Variants in NREP observed in about 807,000 individuals in gnomAD.
NREP encodes the protein neuronal regeneration-related protein.
In NREP, 5 loss-of-function variants were observed where a neutral mutation model predicts 8.6. That is an observed-to-expected ratio of 0.58 (90% CI 0.30 to 1.22). The LOEUF (loss-of-function observed/expected upper bound fraction) is 1.22, where lower values mean the gene tolerates loss of function less well. Ranked by LOEUF, NREP falls within the 50% of genes most tolerant of loss-of-function variation. The pLI is 0.07. For synonymous variants in NREP, 27 were observed against 28.0 expected (o/e 0.96, Z 0.11); for missense variants, 86 against 82.5 (o/e 1.04, Z -0.17).
At chr5:111,975,405 C>T (rs1002590927) in intron 1 of NREP, 55 of 1,512,684 alleles carry the variant, frequency 3.6e-5, no homozygotes, top group Non-Finnish European at 4.8e-5. Context: ...TGGTAGAAAA[C>T]GTGAGCACTG....
chr5:111,769,636 T>C (rs1219399651), intron 2 of NREP, among the ~76,000 whole-genome samples: 5 of 152,222 alleles, frequency 3.3e-5, no homozygotes, highest in Admixed American at 2.6e-4. Flanking sequence ...CAAACAGTTC[T>C]GCAGGCTGCA....
At chr5:111,779,381 C>A (rs1329464715) in intron 2 of NREP, among the ~76,000 whole-genome samples, 3 of 152,152 alleles carry the variant, frequency 2.0e-5, no homozygotes, top group Non-Finnish European at 4.4e-5. Context: ...CTGTCTCTGC[C>A]GGGAGGTTTG....
intron 2 of NREP, among the ~76,000 whole-genome samples, chr5:111,895,562 T>C (rs948636829): frequency 1.3e-5 from 2 of 151,826 alleles, no homozygotes; most frequent in Admixed American, 1.3e-4. Context: ...AGGGAGAGGA[T>C]AGTATGGGTG....
chr5:111,873,009 G>T (rs1438474618), intron 2 of NREP, among the ~76,000 whole-genome samples: 1 of 152,040 alleles, frequency 6.6e-6, no homozygotes, highest in Non-Finnish European at 1.5e-5. Context: ...TATGTAGGTC[G>T]CATCACTTAT....
At chr5:111,790,347 C>CTTTTTTTTTTTTTTT (rs57775701) in intron 2 of NREP, among the ~76,000 whole-genome samples, 9 of 59,640 alleles carry the variant, frequency 1.5e-4, no homozygotes, top group Admixed American at 3.0e-4. Context: ...AAAACCTTAA[C>CTTTTTTTTTTTTTTT]TTTTTTTTTT....
intron 3 of NREP, 89 bp downstream of exon 3, chr5:111,735,341 G>A (rs1749003401): frequency 2.4e-6 from 2 of 819,084 alleles, no homozygotes; most frequent in Non-Finnish European, 4.1e-6. Context: ...AGCCTATAAT[G>A]GGTATTCAAA....
chr5:111,881,645 C>T (rs189704027), intron 2 of NREP, among the ~76,000 whole-genome samples: 11 of 152,262 alleles, frequency 7.2e-5, no homozygotes, highest in South Asian at 2.1e-4. Context: ...TCCAGAGGAA[C>T]GATCAGACAG....
intron 2 of NREP, among the ~76,000 whole-genome samples, chr5:111,923,671 G>A (rs895842147): frequency 1.3e-5 from 2 of 152,166 alleles, no homozygotes; most frequent in African/African-American, 2.4e-5. Flanking sequence ...AGGCAGGCTG[G>A]CTATCCTTTA....
chr5:111,756,719 A>T (rs1052313498), intron 1 of NREP, among the ~76,000 whole-genome samples: 5 of 152,210 alleles, frequency 3.3e-5, no homozygotes, highest in Non-Finnish European at 7.3e-5. Flanking sequence ...TTGAAAGAGT[A>T]ATCAAGTGTA....
rs114069770 is a variant in NREP at position 111,904,933 on chromosome 5, C to T, written c.135+70341G>A. Among the ~76,000 whole-genome samples the T allele has an allele frequency of 3.1e-3, 468 of 152,192 alleles. 2 individuals are homozygous for T. The highest frequency in any genetic ancestry group is 0.01 in the African/African-American group (423 of 41,552). On this transcript the variant is annotated intron_variant, in intron 2 of 3. Transcript: ENST00000395634. ...ACCATTTCCAAGTTAACCTCTGTTT[C>T]GGGATCCATTTGTCCTCCCTAGTAA...
chr5:111,936,718 T>C (rs983483925), intron 2 of NREP, among the ~76,000 whole-genome samples: 1 of 152,110 alleles, frequency 6.6e-6, no homozygotes, highest in African/African-American at 2.4e-5. Context: ...CTTGATTCCC[T>C]ACAGAGAGAA....
Position 111,832,870 on chromosome 5 carries a change from G to A in NREP, c.136-97363C>T, listed in dbSNP as rs111578070. ...GTACCTTGAACAAACGGGGCAAGTT[G>A]GACTCTTCAGGAAGTTCCTCCAAAA... On this transcript the variant is annotated intron_variant, in intron 2 of 3. Coordinates refer to the NREP transcript ENST00000395634. 5.4e-3 allele frequency among the ~76,000 whole-genome samples: 820 copies of A among 152,226 alleles called. 10 individuals are homozygous for A. Among genetic ancestry groups the A allele is most frequent in the Non-Finnish European group, 7.0e-3 (479 of 68,030 alleles).
intron 2 of NREP, among the ~76,000 whole-genome samples, chr5:111,882,444 G>A (rs1394925873): frequency 6.6e-6 from 1 of 152,184 alleles, no homozygotes; most frequent in Non-Finnish European, 1.5e-5. Flanking sequence ...AATCTAGCAA[G>A]GCAGGCGACC....
intron 2 of NREP, among the ~76,000 whole-genome samples, chr5:111,768,397 A>G (rs188908975): frequency 1.3e-5 from 2 of 152,320 alleles, no homozygotes; most frequent in Admixed American, 6.5e-5. Flanking sequence ...CAGGGGGTAC[A>G]TATGCATGTT....
intron 2 of NREP, among the ~76,000 whole-genome samples, chr5:111,867,015 G>A (rs1351525033): frequency 1.3e-5 from 2 of 151,928 alleles, no homozygotes; most frequent in African/African-American, 2.4e-5. Flanking sequence ...GGAAGGGGGA[G>A]GGATAGCATT....
At chr5:111,883,536 C>T (rs2112519690) in intron 2 of NREP, among the ~76,000 whole-genome samples, 1 of 152,316 alleles carries the variant, frequency 6.6e-6, no homozygotes, top group East Asian at 1.9e-4. Flanking sequence ...TTCAGCACCA[C>T]ACCACACCTA....
intron 2 of NREP, among the ~76,000 whole-genome samples, chr5:111,914,165 C>A (rs916075500): frequency 7.2e-5 from 11 of 152,086 alleles, no homozygotes; most frequent in Admixed American, 1.3e-4. Context: ...AGGTCTTTAG[C>A]TTGTAAAAAG....
chr5:111,781,775 T>G (rs1396929273), intron 2 of NREP, among the ~76,000 whole-genome samples: 1 of 152,172 alleles, frequency 6.6e-6, no homozygotes, highest in Non-Finnish European at 1.5e-5. Flanking sequence ...TACTATTCTT[T>G]GTACTTCAAG....
intron 2 of NREP, among the ~76,000 whole-genome samples, chr5:111,849,380 T>A (rs550949931): frequency 1.1e-4 from 16 of 151,452 alleles, no homozygotes; most frequent in Non-Finnish European, 1.5e-4. Flanking sequence ...GGGAGGAGAG[T>A]AAAGAGAGGT....
Sources: gnomAD v4.1 joint callset for allele counts (sites outside exome capture counted in the v4.1 genomes callset) on GRCh38, gnomAD v4.1.1 for gene constraint, MANE v1.5 for transcripts, NCBI Gene and HGNC (gene_info 2026-07-23, HGNC 2026-07-21) for gene names.